DNAJC5B: variants seen among roughly 807,000 people sequenced by gnomAD.
DNAJC5B encodes the protein DnaJ heat shock protein family (Hsp40) member C5 beta, also known as dnaJ homolog subfamily C member 5B.
DNAJC5B carries 23 observed loss-of-function variants against 24.7 expected under a neutral mutation model. The observed-to-expected ratio is 0.93, with a 90% confidence interval of 0.67 to 1.32. The LOEUF (loss-of-function observed/expected upper bound fraction) is 1.32. Ranked by LOEUF, DNAJC5B falls within the 40% of genes most tolerant of loss-of-function variation. The probability of loss-of-function intolerance (pLI) is 0.00; values close to 1 mark genes in which losing one functional copy is unlikely to be tolerated. For synonymous variants in DNAJC5B, 101 were observed against 90.1 expected (o/e 1.12, Z -0.68); for missense variants, 238 against 240.8 (o/e 0.99, Z 0.08).
chr8:66,051,819 G>A (rs1310309457), intron 3 of DNAJC5B, among the ~76,000 whole-genome samples, 153 bp downstream of exon 3: 1 of 152,156 alleles, frequency 6.6e-6, no homozygotes, highest in Non-Finnish European at 1.5e-5. Flanking sequence ...AGTTAGGAAT[G>A]GAAAGGCATG....
chr8:66,097,202 C>A (rs1409346826), intron 5 of DNAJC5B, among the ~76,000 whole-genome samples: 1 of 139,322 alleles, frequency 7.2e-6, no homozygotes, highest in Non-Finnish European at 1.6e-5. Flanking sequence ...TTTCCTGTTT[C>A]TTTTTTTTTT....
At chr8:66,054,770 T>A (rs1464992833) in intron 3 of DNAJC5B, among the ~76,000 whole-genome samples, 1 of 152,218 alleles carries the variant, frequency 6.6e-6, no homozygotes, top group Non-Finnish European at 1.5e-5. Flanking sequence ...CATTTTGCCC[T>A]AGACCTATCC....
At chr8:66,072,284 T>C (rs994931608) in intron 3 of DNAJC5B, among the ~76,000 whole-genome samples, 2 of 151,946 alleles carry the variant, frequency 1.3e-5, no homozygotes, top group African/African-American at 2.4e-5. Context: ...AAACAAAGAG[T>C]TGGCAGAACT....
In DNAJC5B at chr8:66,058,382, G is replaced by T. The variant is rs77993104; in HGVS notation, c.119+6716G>T. Among the ~76,000 whole-genome samples the T allele has an allele frequency of 3.2e-3, 490 of 152,248 alleles. 3 individuals are homozygous for T. Among genetic ancestry groups the T allele is most frequent in the African/African-American group, 0.011 (460 of 41,560 alleles). On this transcript the variant is annotated intron_variant, in intron 3 of 5. Coordinates refer to ENST00000276570, the MANE Select transcript of DNAJC5B (RefSeq NM_033105.6). The stretch of plus-strand genomic sequence containing the variant: ...GGAAAGGGAAACAATCTTGGTTCCT[G>T]ATCCCTTTTCCATATTTGCATGTCC...
At chr8:66,073,509 ATG>A (rs1444908775) in intron 3 of DNAJC5B, among the ~76,000 whole-genome samples, 2 of 148,212 alleles carry the variant, frequency 1.3e-5, no homozygotes, top group Admixed American at 1.3e-4. Context: ...GTGTGTGTGT[ATG>A]TGTGTGTGTG....
At chr8:66,016,033 C>CAG in the DNAJC5B span, among the ~76,000 whole-genome samples, 2 of 152,210 alleles carry the variant, frequency 1.3e-5, no homozygotes, top group Non-Finnish European at 2.9e-5. Context: ...TTGTTTCTCA[C>CAG]AGTGCTGGAA....
intron 1 of DNAJC5B, among the ~76,000 whole-genome samples, chr8:66,034,470 C>G (rs1035562100): frequency 6.6e-6 from 1 of 151,862 alleles, no homozygotes; most frequent in South Asian, 2.1e-4. Flanking sequence ...TTTCACTGAA[C>G]AGGGAAAGAG....
At chr8:66,031,466 G>A (rs148710347) in intron 1 of DNAJC5B, among the ~76,000 whole-genome samples, 1 of 152,074 alleles carries the variant, frequency 6.6e-6, no homozygotes, top group African/African-American at 2.4e-5. Context: ...TTTTTTTTAA[G>A]CACCTACTGT....
intron 3 of DNAJC5B, among the ~76,000 whole-genome samples, chr8:66,062,477 T>C (rs1452951453): frequency 6.6e-6 from 1 of 152,236 alleles, no homozygotes; most frequent in African/African-American, 2.4e-5. Flanking sequence ...TAAAATCTCA[T>C]TTGTAACATA....
intron 2 of DNAJC5B, among the ~76,000 whole-genome samples, chr8:66,046,641 A>G (rs1241934139): frequency 2.0e-5 from 3 of 152,258 alleles, no homozygotes; most frequent in Non-Finnish European, 2.9e-5. Flanking sequence ...TCTCTCATCC[A>G]TAAAATGAGA....
chr8:66,057,826 A>G (rs1806998627), intron 3 of DNAJC5B: 1 of 152,234 alleles, frequency 6.6e-6, no homozygotes, highest in East Asian at 1.9e-4. Flanking sequence ...ATCTGGTGAA[A>G]CTATATTTCA....
chr8:66,093,366 G>A (rs75250440), intron 5 of DNAJC5B, among the ~76,000 whole-genome samples: 2,280 of 152,198 alleles, frequency 0.015, 53 homozygotes, highest in African/African-American at 0.051. Flanking sequence ...AACCGGTAAC[G>A]AGAGTTCCTG....
At chr8:66,052,203 C>T (rs1040468302) in intron 3 of DNAJC5B, among the ~76,000 whole-genome samples, 1 of 151,684 alleles carries the variant, frequency 6.6e-6, no homozygotes, top group Non-Finnish European at 1.5e-5. Context: ...GGCAATCTGC[C>T]CACCTCGGCC....
At position 66,031,619 on chromosome 8, in the gene DNAJC5B, C is replaced by T. The variant is rs556824138; in HGVS notation, c.-142+9914C>T. Among the ~76,000 whole-genome samples the T allele has an allele frequency of 2.8e-4, 43 of 152,294 alleles. No individual in the cohort carries two copies. In the South Asian group the frequency reaches 8.3e-3, roughly 29 times the overall value. ...AGGCTGACAAGTCCCAGGATCTGCA[C>T]TCAGCATGCCTGAGACCCAGGAAGA... On this transcript the variant is annotated intron_variant, in intron 1 of 5. Transcript: ENST00000276570.
intron 3 of DNAJC5B, among the ~76,000 whole-genome samples, chr8:66,061,867 T>TG (rs1807089686): frequency 6.6e-6 from 1 of 151,884 alleles, no homozygotes; most frequent in African/African-American, 2.4e-5. Context: ...AGAATTGAAC[T>TG]GGGGGTGGGG....
At chr8:66,053,056 C>T (rs1467564222) in intron 3 of DNAJC5B, among the ~76,000 whole-genome samples, 1 of 152,112 alleles carries the variant, frequency 6.6e-6, no homozygotes, top group Non-Finnish European at 1.5e-5. Context: ...GCTAGGACTT[C>T]AGGCTAGCTA....
intron 3 of DNAJC5B, among the ~76,000 whole-genome samples, chr8:66,067,028 G>A (rs1232526126): frequency 6.6e-6 from 1 of 152,088 alleles, no homozygotes; most frequent in Non-Finnish European, 1.5e-5. Flanking sequence ...GTAACAGCAT[G>A]TAAGGCCTTT....
At position 66,059,229 on chromosome 8, in the gene DNAJC5B, C is replaced by A. The variant is rs1273021880; in HGVS notation, c.119+7563C>A. On this transcript the variant is annotated intron_variant, in intron 3 of 5. Transcript: ENST00000276570. ...TGCTAGATCATGTCACTTAATCTGA[C>A]CAGTGTTTGCATGAGATAAGCAAAT... Among the ~76,000 whole-genome samples, 3 of 152,194 alleles carry A rather than the reference C, an allele frequency of 2.0e-5. No homozygotes were observed. In the East Asian group the frequency reaches 5.8e-4, roughly 29 times the overall value.
chr8:66,055,030 C>T (rs1345475649), intron 3 of DNAJC5B, among the ~76,000 whole-genome samples: 1 of 152,178 alleles, frequency 6.6e-6, no homozygotes, highest in Non-Finnish European at 1.5e-5. Context: ...AAATGTGACT[C>T]TTAATTGTCT....
Sources: allele counts gnomAD v4.1 joint callset (sites outside exome capture counted in the v4.1 genomes callset), GRCh38; gene constraint gnomAD v4.1.1; transcripts MANE v1.5; gene names NCBI Gene and HGNC (gene_info 2026-07-23, HGNC 2026-07-21).